NEK11: variants seen among roughly 807,000 people sequenced by gnomAD.
NEK11 encodes the protein NIMA related kinase 11.
A neutral mutation model predicts 80.7 loss-of-function variants in NEK11; 72 were observed. The observed-to-expected ratio is 0.89, with a 90% CI of 0.74 to 1.08. The LOEUF is 1.08. NEK11 is among the 50% of genes least tolerant of loss of function. The pLI, the probability that NEK11 is intolerant of heterozygous loss-of-function variation, is 0.00. For synonymous variants in NEK11, 251 were observed against 260.7 expected (o/e 0.96, Z 0.36); for missense variants, 764 against 763.6 (o/e 1.00, Z -0.01).
intron 14 of NEK11, among the ~76,000 whole-genome samples, chr3:131,206,624 A>G (rs2094447854): frequency 6.6e-6 from 1 of 152,230 alleles, no homozygotes; most frequent in Admixed American, 6.5e-5. Context: ...CTAGAGGGCT[A>G]ACATTACAGG....
intron 5 of NEK11, among the ~76,000 whole-genome samples, chr3:131,127,775 A>G (rs1247870612): frequency 6.6e-6 from 1 of 152,180 alleles, no homozygotes; most frequent in East Asian, 1.9e-4. Flanking sequence ...TGACAGTTAT[A>G]TTTAGGGCAG....
chr3:131,242,818 G>T (rs16836184), intron 15 of NEK11, among the ~76,000 whole-genome samples: 16,568 of 152,114 alleles, frequency 0.11, 1,476 homozygotes, highest in African/African-American at 0.24. Flanking sequence ...AAGCCTGCTT[G>T]GTGGAGGACA....
chr3:131,174,552 T>G (rs1432148305), intron 14 of NEK11, among the ~76,000 whole-genome samples: 4 of 152,210 alleles, frequency 2.6e-5, no homozygotes, highest in Non-Finnish European at 4.4e-5. Context: ...ATAAGACTTA[T>G]TATTTACATT....
chr3:131,276,974 C>A (rs1464548313), intron 17 of NEK11, among the ~76,000 whole-genome samples: 4 of 152,148 alleles, frequency 2.6e-5, no homozygotes, highest in Non-Finnish European at 5.9e-5. Context: ...TTTCATGACA[C>A]TGACATTTTT....
At chr3:131,196,178 T>C (rs1336550491) in intron 14 of NEK11, among the ~76,000 whole-genome samples, 3 of 152,108 alleles carry the variant, frequency 2.0e-5, no homozygotes, top group African/African-American at 7.2e-5. Flanking sequence ...AGATATGCAA[T>C]GATAAGCAGA....
intron 4 of NEK11, among the ~76,000 whole-genome samples, chr3:131,108,904 C>T (rs1283826247): frequency 6.6e-6 from 1 of 152,038 alleles, no homozygotes; most frequent in Non-Finnish European, 1.5e-5. Context: ...ACTACAGCAG[C>T]TATATGCACA....
chr3:131,304,148 G>A (rs2096696054), intron 17 of NEK11, among the ~76,000 whole-genome samples: 1 of 152,020 alleles, frequency 6.6e-6, no homozygotes, highest in Non-Finnish European at 1.5e-5. Flanking sequence ...AGTTAATTTG[G>A]AGAACCAGCA....
intron 17 of NEK11, among the ~76,000 whole-genome samples, chr3:131,311,477 C>T (rs1317716274): frequency 6.6e-6 from 1 of 152,174 alleles, no homozygotes; most frequent in African/African-American, 2.4e-5. Flanking sequence ...TAGCTTTGGG[C>T]AAATTGCCTA....
intron 17 of NEK11, among the ~76,000 whole-genome samples, chr3:131,318,496 A>AT (rs1219306656): frequency 6.6e-6 from 1 of 152,082 alleles, no homozygotes; most frequent in Non-Finnish European, 1.5e-5. Flanking sequence ...TACTTACAGA[A>AT]TTTTTTTAAT....
chr3:131,051,669 C>A (rs955068010), intron 3 of NEK11, among the ~76,000 whole-genome samples: 1 of 152,002 alleles, frequency 6.6e-6, no homozygotes, highest in African/African-American at 2.4e-5. Flanking sequence ...ATTTTTAAAA[C>A]CTTTAAAAAT....
chr3:131,068,572 A>T (rs1019734071), intron 3 of NEK11, among the ~76,000 whole-genome samples: 4 of 152,168 alleles, frequency 2.6e-5, no homozygotes, highest in Non-Finnish European at 5.9e-5. Context: ...CTTACTCAAC[A>T]TTATGTCCTG....
chr3:131,172,756 C>T (rs1579552389), intron 14 of NEK11, among the ~76,000 whole-genome samples: 1 of 152,094 alleles, frequency 6.6e-6, no homozygotes, highest in Admixed American at 6.5e-5. Context: ...GGGCTGCATT[C>T]CCAGGAGGTT....
At chr3:131,133,152 T>G (rs139550047) in intron 6 of NEK11, 13 of 416,062 alleles carry the variant, frequency 3.1e-5, no homozygotes, top group Admixed American at 6.1e-5. Context: ...GTTTGATTAG[T>G]TACTACAGGT....
At chr3:131,313,641 A>T (rs2096804115) in intron 17 of NEK11, among the ~76,000 whole-genome samples, 1 of 152,150 alleles carries the variant, frequency 6.6e-6, no homozygotes, top group Non-Finnish European at 1.5e-5. Context: ...AGACATAGGA[A>T]GTTTTCACTA....
In NEK11 at chr3:131,132,735, C is replaced by A; in HGVS notation, c.456-10C>A. On this transcript the variant is annotated splice_polypyrimidine_tract_variant and intron_variant, in intron 5 of 17. Coordinates refer to ENST00000383366, the MANE Select transcript of NEK11 (RefSeq NM_024800.5). ...TGCATGAAGTTGTATATCTTTTTTG[C>A]CTTTTGTAGGAGGATACTTCATCGA... 1.4e-6 allele frequency: 2 copies of A among 1,463,892 alleles called. No individual in the cohort carries two copies. Among genetic ancestry groups the A allele is most frequent in the Non-Finnish European group, 1.9e-6 (2 of 1,066,694 alleles). 90.7% of individuals were successfully genotyped at this position (1,463,892 alleles called of 1,614,324 possible).
chr3:131,199,450 CAG>C (rs976791748), intron 14 of NEK11, among the ~76,000 whole-genome samples: 2 of 152,018 alleles, frequency 1.3e-5, no homozygotes, highest in African/African-American at 4.8e-5. Flanking sequence ...TGGGGGAAAA[CAG>C]GACTTTTATA....
intron 16 of NEK11, among the ~76,000 whole-genome samples, chr3:131,250,357 T>C (rs1451541512): frequency 6.6e-6 from 1 of 152,024 alleles, no homozygotes; most frequent in African/African-American, 2.4e-5. Flanking sequence ...TGTCTTATTT[T>C]TCAACAATAA....
chr3:131,057,230 T>A (rs1194342672), intron 3 of NEK11, among the ~76,000 whole-genome samples: 1 of 151,892 alleles, frequency 6.6e-6, no homozygotes, highest in Non-Finnish European at 1.5e-5. Context: ...TCATTTTTTA[T>A]GGCTGCATAG....
At chr3:131,195,394 C>G (rs1477030802) in intron 14 of NEK11, among the ~76,000 whole-genome samples, 4 of 152,058 alleles carry the variant, frequency 2.6e-5, no homozygotes, top group Non-Finnish European at 4.4e-5. Context: ...GATAGTCCAG[C>G]CATATTGTTC....
Sources: gnomAD v4.1 joint callset for allele counts (sites outside exome capture counted in the v4.1 genomes callset) on GRCh38, gnomAD v4.1.1 for gene constraint, MANE v1.5 for transcripts, NCBI Gene and HGNC (gene_info 2026-07-23, HGNC 2026-07-21) for gene names.